The following C8B variants were observed in gnomAD, a reference collection of about 807,000 sequenced individuals.
The protein encoded by C8B is complement component C8 beta chain.
C8B carries 67 observed loss-of-function variants against 64.6 expected under a neutral mutation model. That is an observed-to-expected ratio of 1.04 (90% CI 0.85 to 1.27). The LOEUF is 1.27. Ranked by LOEUF, C8B falls within the 50% of genes most tolerant of loss-of-function variation. The pLI is 0.00. For synonymous variants in C8B, 284 were observed against 257.7 expected, an observed-to-expected ratio of 1.10 and a Z score of -0.98; for missense variants, 790 against 725.2, an observed-to-expected ratio of 1.09 and a Z score of -1.03.
At chr1:56,942,938 T>C (rs1003917119) in intron 8 of C8B, among the ~76,000 whole-genome samples, 1 of 150,518 alleles carries the variant, frequency 6.6e-6, no homozygotes, top group South Asian at 2.1e-4. Flanking sequence ...TAAATAATAA[T>C]AATAATAATT....
At chr1:56,952,437 C>T (rs144923032) in intron 4 of C8B, among the ~76,000 whole-genome samples, 3 of 152,308 alleles carry the variant, frequency 2.0e-5, no homozygotes, top group South Asian at 2.1e-4. Flanking sequence ...CTGTTCCCTG[C>T]GCCCAGAATG....
At position 56,941,029 on chromosome 1, in the gene C8B, G is replaced by A; in HGVS notation, c.1235-17C>T. The A allele has an allele frequency of 4.3e-6, 7 of 1,613,722 alleles. No homozygotes were observed. Among genetic ancestry groups the A allele is most frequent in the Non-Finnish European group, 5.9e-6 (7 of 1,179,846 alleles). On this transcript the variant is annotated splice_polypyrimidine_tract_variant and intron_variant, in intron 8 of 11. Coordinates refer to ENST00000371237, the MANE Select transcript of C8B (RefSeq NM_000066.4). ...TGTTTCTGTCTGGAATGGACACAGA[G>A]CTAGCAGGTCACAGAAGATATCCCT...
At position 56,944,261 on chromosome 1, in the gene C8B, G is replaced by A. The variant is rs182411937; in HGVS notation, c.1106-437C>T. ...TTGAGAAAATGCATATAAAAAGTAA[G>A]GCATAGTATCTGGCAAAGAAAAGGG... On this transcript the variant is annotated intron_variant, in intron 7 of 11. Transcript: ENST00000371237. 2.4e-3 allele frequency among the ~76,000 whole-genome samples: 365 copies of A among 152,060 alleles called. 2 individuals are homozygous for A. The highest frequency in any genetic ancestry group is 4.3e-3 in the Non-Finnish European group (289 of 67,952).
At chr1:56,960,305 G>A in intron 1 of C8B, 129 bp from the exon 2 acceptor site, 1 of 800,328 alleles carries the variant, frequency 1.2e-6, no homozygotes, top group Non-Finnish European at 2.1e-6. Context: ...TATCATTCCA[G>A]GATAACCTAT....
At chr1:56,959,671 G>T (rs1393883526) in intron 2 of C8B, 1 of 1,498,190 alleles carries the variant, frequency 6.7e-7, no homozygotes, top group South Asian at 1.2e-5. Flanking sequence ...AGGGTCATGG[G>T]TAGACTGTGA....
chr1:56,930,468 C>T (rs1478759706), intron 11 of C8B, among the ~76,000 whole-genome samples: 3 of 152,134 alleles, frequency 2.0e-5, no homozygotes, highest in African/African-American at 4.8e-5. Flanking sequence ...CTCCTCCAAC[C>T]AATAGGAACC....
chr1:56,943,977 C>G (rs1003139073), intron 7 of C8B, among the ~76,000 whole-genome samples, 153 bp from the exon 8 acceptor site: 9 of 152,164 alleles, frequency 5.9e-5, no homozygotes, highest in Admixed American at 2.0e-4. Flanking sequence ...GAAATGTAGG[C>G]AGCAAATGGC....
At chr1:56,949,456 C>T (rs1644988552) in intron 6 of C8B, 99 bp downstream of exon 6, 3 of 1,166,080 alleles carry the variant, frequency 2.6e-6, no homozygotes, top group African/African-American at 1.5e-5. Context: ...AAGTAAATGT[C>T]TTTTCTTTAT....
chr1:56,945,048 AC>A (rs1332262872), intron 7 of C8B, among the ~76,000 whole-genome samples: 1 of 152,180 alleles, frequency 6.6e-6, no homozygotes, highest in African/African-American at 2.4e-5. Context: ...ATAATCTGAG[AC>A]CTTGCTATGT....
rs776295488 is a variant in C8B, at chr1:56,952,160, C to CT, written c.553dup (p.Ser185LysfsTer3). Reference sequence around the variant, plus strand: ...GTGATCAAGAACTGGGCCCTCAAAACTGTTTGTGAACAAATTTATCCTGTG... The same window carrying CT: ...GTGATCAAGAACTGGGCCCTCAAAACTTGTTTGTGAACAAATTTATCCTGTG... On this transcript the variant is annotated frameshift_variant, in exon 5 of 12. Coordinates refer to ENST00000371237, the MANE Select transcript of C8B (RefSeq NM_000066.4). LOFTEE classifies it high-confidence loss of function. The CT allele has an allele frequency of 6.2e-7, 1 of 1,614,190 alleles. No individual in the cohort carries two copies. The highest frequency in any genetic ancestry group is 8.5e-7 in the Non-Finnish European group (1 of 1,180,012).
At chr1:56,938,109 T>C (rs1444734882) in intron 9 of C8B, among the ~76,000 whole-genome samples, 1 of 152,240 alleles carries the variant, frequency 6.6e-6, no homozygotes, top group East Asian at 1.9e-4. Context: ...TCTTCTTATA[T>C]TTTTGATTAA....
intron 1 of C8B, among the ~76,000 whole-genome samples, chr1:56,965,041 G>A: frequency 6.6e-6 from 1 of 152,330 alleles, no homozygotes; most frequent in South Asian, 2.1e-4. Context: ...CAGAGGCTGT[G>A]TCCCATGGGT....
chr1:56,944,467 T>C (rs921567091), intron 7 of C8B, among the ~76,000 whole-genome samples: 4 of 152,200 alleles, frequency 2.6e-5, no homozygotes, highest in African/African-American at 9.7e-5. Context: ...ACCAGGGCTG[T>C]CTAGAAATGT....
chr1:56,946,114 A>T (rs1027535561), intron 6 of C8B, 53 bp from the exon 7 acceptor site: 12 of 1,606,982 alleles, frequency 7.5e-6, no homozygotes, highest in Non-Finnish European at 1.0e-5. Context: ...AGGAATCTGG[A>T]ACGAGAAGAT....
intron 6 of C8B, 134 bp from the exon 7 acceptor site, chr1:56,946,195 A>G (rs540925779): frequency 2.9e-4 from 288 of 985,214 alleles, no homozygotes; most frequent in South Asian, 2.5e-3. Context: ...AGGATACTTG[A>G]GGGAAGACAG....
chr1:56,933,585 A>G (rs949962574), intron 9 of C8B, 97 bp from the exon 10 acceptor site: 18 of 1,023,942 alleles, frequency 1.8e-5, no homozygotes, highest in Non-Finnish European at 2.7e-5. Flanking sequence ...ATCAGTGTAT[A>G]GAGACCACAT....
rs146176997 is a variant in C8B, at chr1:56,945,969, C to G, written c.957G>C (p.Gln319His). 445 of 1,614,178 alleles carry G rather than the reference C, an allele frequency of 2.8e-4. 1 individual carries two copies. In the African/African-American group the frequency reaches 4.8e-3, roughly 17 times the overall value. Residue 319 changes from glutamine to histidine, a missense_variant, in exon 7 of 12, where the codon CAG (glutamine) becomes CAC (histidine). By Grantham distance (24) the Gln-to-His change is conservative. Coordinates refer to ENST00000371237, the MANE Select transcript of C8B (RefSeq NM_000066.4). ...ACTCCAGGGGCAGCCGCTTAACTCTCTGAAGGAACTCGTAATGGAGCATGA... is the reference window on the plus strand; with the variant it reads ...ACTCCAGGGGCAGCCGCTTAACTCTGTGAAGGAACTCGTAATGGAGCATGA... ...RSLMLHYEFLQRVKRLPLEYS... is the reference protein window; with the variant it reads ...RSLMLHYEFLHRVKRLPLEYS...
chr1:56,931,727 C>T, intron 11 of C8B, 83 bp downstream of exon 11: 1 of 916,080 alleles, frequency 1.1e-6, no homozygotes, highest in Non-Finnish European at 1.8e-6. Flanking sequence ...GTATCCAGCC[C>T]CACACTCCAC....
At chr1:56,935,251 C>A (rs1013807431) in intron 9 of C8B, among the ~76,000 whole-genome samples, 1 of 152,190 alleles carries the variant, frequency 6.6e-6, no homozygotes, top group African/African-American at 2.4e-5. Flanking sequence ...GTTTGACTTG[C>A]AGCTTAACAG....
Sources: gnomAD v4.1 joint callset for allele counts (sites outside exome capture counted in the v4.1 genomes callset) on GRCh38, gnomAD v4.1.1 for gene constraint, MANE v1.5 for transcripts, NCBI Gene and HGNC (gene_info 2026-07-23, HGNC 2026-07-21) for gene names.